Variants in CSNK2A1 observed in about 807,000 individuals in gnomAD.
CSNK2A1 encodes the protein casein kinase II subunit alpha.
In CSNK2A1, 10 loss-of-function variants were observed where a neutral mutation model predicts 62.9. The observed-to-expected ratio is 0.16, with a 90% CI of 0.10 to 0.27. The LOEUF (loss-of-function observed/expected upper bound fraction) is 0.27, where lower values mean the gene tolerates loss of function less well. CSNK2A1 is among the 10% of genes least tolerant of loss of function. The pLI, the probability that CSNK2A1 is intolerant of heterozygous loss-of-function variation, is 1.00. For missense variants in CSNK2A1, 160 were observed against 492.0 expected (o/e 0.33, Z 6.38); for synonymous variants, 124 against 167.8 (o/e 0.74, Z 2.02).
intron 13 of CSNK2A1, 42 bp from the exon 14 acceptor site, chr20:484,118 T>C (rs374682924): frequency 2.0e-5 from 30 of 1,464,682 alleles, no homozygotes; most frequent in African/African-American, 5.8e-5. Context: ...ACACCAACCA[T>C]GGCAATCTTA....
intron 2 of CSNK2A1, among the ~76,000 whole-genome samples, chr20:523,305 T>C (rs1323595875): frequency 1.3e-5 from 2 of 152,166 alleles, no homozygotes; most frequent in African/African-American, 4.8e-5. Context: ...CACAGTTATT[T>C]ACCCTAGAAA....
rs2017925669 is a variant in CSNK2A1, at chr20:480,060, T to C, written c.*3901A>G. On this transcript the variant is annotated 3_prime_UTR_variant, in exon 14 of 14. Transcript: ENST00000217244. ...GACTGCAGCATCTAAGTCTACTAAA[T>C]TGGCCAGGATCATTCCTTAGTCTTC... is the stretch of plus-strand genomic sequence containing the variant. 1 of 152,204 alleles carries C rather than the reference T, an allele frequency of 6.6e-6. No individual in the cohort carries two copies. Among genetic ancestry groups the C allele is most frequent in the Non-Finnish European group, 1.5e-5 (1 of 68,038 alleles). The allele number at this position is 152,204 out of a possible 1,614,324, so 9.4% of individuals were successfully genotyped here. A position where few individuals can be genotyped will look rare whatever the true frequency, so the allele number is the denominator to read the frequency against.
chr20:539,386 T>G (rs2019400966), intron 1 of CSNK2A1: 1 of 152,228 alleles, frequency 6.6e-6, no homozygotes, highest in Non-Finnish European at 1.5e-5. Flanking sequence ...GACTGGCCTT[T>G]CCTACTAGAG....
At chr20:532,828 C>T (rs939820154) in intron 1 of CSNK2A1, among the ~76,000 whole-genome samples, 1 of 152,070 alleles carries the variant, frequency 6.6e-6, no homozygotes, top group Non-Finnish European at 1.5e-5. Context: ...GCAACCATTT[C>T]GTCTGGAAGA....
chr20:496,030 T>C (rs1339527254), intron 7 of CSNK2A1: 7 of 483,404 alleles, frequency 1.4e-5, no homozygotes, highest in South Asian at 1.2e-4. Context: ...TGTTTCAACA[T>C]GTTTTCTGTC....
intron 2 of CSNK2A1, among the ~76,000 whole-genome samples, chr20:510,637 A>G (rs968464689): frequency 4.6e-5 from 7 of 152,246 alleles, no homozygotes; most frequent in African/African-American, 1.7e-4. Flanking sequence ...ATGATAAAAC[A>G]AGCTGGGTAA....
At chr20:526,258 T>G (rs1215705464) in intron 2 of CSNK2A1, among the ~76,000 whole-genome samples, 4 of 151,962 alleles carry the variant, frequency 2.6e-5, no homozygotes, top group African/African-American at 9.7e-5. Flanking sequence ...ATTGTCTGAG[T>G]CCAGGAGTTT....
intron 4 of CSNK2A1, chr20:500,607 T>A (rs2018440052): frequency 6.6e-6 from 1 of 151,700 alleles, no homozygotes; most frequent in Non-Finnish European, 1.5e-5. Flanking sequence ...AACATAATAA[T>A]AACTGTCTAG....
chr20:497,986 A>G, intron 6 of CSNK2A1: 1 of 500,740 alleles, frequency 2.0e-6, no homozygotes, highest in Non-Finnish European at 3.6e-6. Context: ...AATTACTTAA[A>G]CATATATTGC....
chr20:474,963 C>G lies in CSNK2A1; in HGVS notation c.*8998G>C, dbSNP rs2017817916. On this transcript the variant is annotated 3_prime_UTR_variant, in exon 14 of 14. Transcript: ENST00000217244. The stretch of plus-strand genomic sequence containing the variant: ...AAACTTTTAAACATTTGAACTCTAG[C>G]AAATATACTGAGAAGTGCCCCAAAC... 6.6e-6 allele frequency: 1 copy of G among 152,116 alleles called. No individual in the cohort carries two copies. Among genetic ancestry groups the G allele is most frequent in the South Asian group, 2.1e-4 (1 of 4,822 alleles). The allele number at this position is 152,116 out of a possible 1,614,324, so 9.4% of individuals were successfully genotyped here. A position where few individuals can be genotyped will look rare whatever the true frequency, so the allele number is the denominator to read the frequency against.
At chr20:501,388 T>A (rs2018466398) in intron 4 of CSNK2A1, 1 of 152,202 alleles carries the variant, frequency 6.6e-6, no homozygotes, top group Admixed American at 6.5e-5. Context: ...TTCTCCTGAA[T>A]AGTCTAAAAC....
At chr20:490,057 A>G (rs2122513615) in intron 9 of CSNK2A1, among the ~76,000 whole-genome samples, 176 bp from the exon 10 acceptor site, 1 of 149,344 alleles carries the variant, frequency 6.7e-6, no homozygotes. Context: ...TTGGAGACAG[A>G]GTCTCACTCT....
At chr20:516,419 A>G (rs1300423662) in intron 2 of CSNK2A1, among the ~76,000 whole-genome samples, 1 of 152,234 alleles carries the variant, frequency 6.6e-6, no homozygotes, top group Non-Finnish European at 1.5e-5. Context: ...GTAAGATCAC[A>G]TCGAAGCCAA....
At chr20:517,124 C>T (rs1600399186) in intron 2 of CSNK2A1, among the ~76,000 whole-genome samples, 1 of 152,178 alleles carries the variant, frequency 6.6e-6, no homozygotes, top group African/African-American at 2.4e-5. Flanking sequence ...TGGAACTCAG[C>T]GAGACCTTAA....
At chr20:493,755 ACAC>A (rs1247203706) in intron 8 of CSNK2A1, among the ~76,000 whole-genome samples, 1 of 152,160 alleles carries the variant, frequency 6.6e-6, no homozygotes, top group Admixed American at 6.6e-5. Context: ...TTCCATCACC[ACAC>A]ACATGTCCTG....
At chr20:539,975 G>A (rs555722479) in intron 1 of CSNK2A1, 9 of 152,280 alleles carry the variant, frequency 5.9e-5, no homozygotes, top group Non-Finnish European at 1.0e-4. Flanking sequence ...CAGAGCCTCC[G>A]GTCCAAAGCA....
chr20:535,639 C>A (rs2019302986), intron 1 of CSNK2A1, among the ~76,000 whole-genome samples: 2 of 151,602 alleles, frequency 1.3e-5, no homozygotes, highest in Admixed American at 6.6e-5. Flanking sequence ...ACCTGTAATC[C>A]CAGTTACTTA....
intron 1 of CSNK2A1, among the ~76,000 whole-genome samples, chr20:538,860 T>C (rs1297199875): frequency 6.6e-6 from 1 of 152,212 alleles, no homozygotes; most frequent in Admixed American, 6.5e-5. Context: ...ATGTCATTTA[T>C]CCAAGATATG....
intron 1 of CSNK2A1, among the ~76,000 whole-genome samples, chr20:541,985 G>A (rs1432641557): frequency 6.6e-6 from 1 of 152,108 alleles, no homozygotes; most frequent in Admixed American, 6.5e-5. Context: ...TGGACTTTCA[G>A]CCCCAGGTCC....
Sources: allele counts gnomAD v4.1 joint callset (sites outside exome capture counted in the v4.1 genomes callset), GRCh38; gene constraint gnomAD v4.1.1; transcripts MANE v1.5; gene names NCBI Gene and HGNC (gene_info 2026-07-23, HGNC 2026-07-21).